Variants in PXDNL observed in about 807,000 individuals in gnomAD.
PXDNL encodes the protein probable oxidoreductase PXDNL.
A neutral mutation model predicts 150.8 loss-of-function variants in PXDNL; 145 were observed. The ratio of observed to expected loss-of-function variants is 0.96; its 90% CI spans 0.84 to 1.10. The LOEUF is 1.10. Among genes scored for constraint, PXDNL ranks in the 50% least tolerant of loss-of-function variants. The pLI is 0.00. For synonymous variants in PXDNL, 757 were observed against 725.7 expected (o/e 1.04, Z -0.69); for missense variants, 2,087 against 1,873.9 (o/e 1.11, Z -2.10).
intron 4 of PXDNL, among the ~76,000 whole-genome samples, chr8:51,515,729 T>C (rs1038213422): frequency 2.0e-5 from 3 of 152,204 alleles, no homozygotes; most frequent in African/African-American, 7.2e-5. Flanking sequence ...TTCTTACTTG[T>C]CACAAGTGGA....
rs1809859060 is a variant in PXDNL, at chr8:51,453,605, A to T, written c.1163T>A (p.Ile388Asn). The change falls in exon 10 of 23, where the codon ATC (isoleucine) becomes AAC (asparagine). Residue 388 changes from isoleucine to asparagine, a missense_variant. Coordinates refer to ENST00000356297, the MANE Select transcript of PXDNL (RefSeq NM_144651.5). ...ATSSGLYLQN[I>N]TQRDHGRFTC... Reference sequence around the variant, plus strand: ...AAATCGACCATGATCCCGTTGTGTGATGTTCTGTAAGTAAAGTCCACTGGA... The same window carrying T: ...AAATCGACCATGATCCCGTTGTGTGTTGTTCTGTAAGTAAAGTCCACTGGA... 6.2e-7 allele frequency: 1 copy of T among 1,613,902 alleles called. No homozygotes were observed. Among genetic ancestry groups the T allele is most frequent in the Non-Finnish European group, 8.5e-7 (1 of 1,179,882 alleles).
intron 13 of PXDNL, among the ~76,000 whole-genome samples, chr8:51,424,327 C>T (rs1042778045): frequency 6.6e-6 from 1 of 152,088 alleles, no homozygotes; most frequent in African/African-American, 2.4e-5. Flanking sequence ...TATGATCATG[C>T]CACTGTACTG....
At chr8:51,561,455 T>C (rs1309735122) in intron 3 of PXDNL, among the ~76,000 whole-genome samples, 1 of 151,918 alleles carries the variant, frequency 6.6e-6, no homozygotes, top group Non-Finnish European at 1.5e-5. Context: ...GAGGATCACT[T>C]GAGCCCAGAA....
rs1264297975 is a variant in PXDNL at position 51,681,304 on chromosome 8, T to C, written c.165-26544A>G. 2.0e-5 allele frequency among the ~76,000 whole-genome samples: 3 copies of C among 152,014 alleles called. No individual in the cohort carries two copies. The East Asian group carries it at 5.8e-4, about 29-fold the overall frequency. The stretch of plus-strand genomic sequence containing the variant: ...CCCATAAGAGAACTGCTCTTCATCG[T>C]TGTTTTACCTCTTATTTCCACACTC... On this transcript the variant is annotated intron_variant, in intron 1 of 22. Coordinates refer to ENST00000356297, the MANE Select transcript of PXDNL (RefSeq NM_144651.5).
rs191376284 is a variant in PXDNL at position 51,775,826 on chromosome 8, T to C, written c.164+33355A>G. Among the ~76,000 whole-genome samples, 66 of 152,344 alleles carry C rather than the reference T, an allele frequency of 4.3e-4. No homozygotes were observed. The East Asian group carries it at 0.011, about 26-fold the overall frequency. On this transcript the variant is annotated intron_variant, in intron 1 of 22. Transcript: ENST00000356297. Reference sequence around the variant, plus strand: ...TGAAAAAAGAACAGGATAACAGCGATGTTCAGGGAACAAGGGAGATAACTA... The same window carrying C: ...TGAAAAAAGAACAGGATAACAGCGACGTTCAGGGAACAAGGGAGATAACTA...
intron 2 of PXDNL, among the ~76,000 whole-genome samples, chr8:51,623,177 C>A (rs1485724924): frequency 2.6e-5 from 4 of 152,168 alleles, no homozygotes; most frequent in Non-Finnish European, 5.9e-5. Flanking sequence ...GCCCCTAAGA[C>A]AAAAAGCCTC....
chr8:51,358,541 G>A (rs893770716), intron 19 of PXDNL, among the ~76,000 whole-genome samples: 1 of 152,158 alleles, frequency 6.6e-6, no homozygotes, highest in South Asian at 2.1e-4. Context: ...AATGCTGTCA[G>A]ACAGGAAAGC....
At chr8:51,338,944 T>G (rs1214735037) in intron 21 of PXDNL, among the ~76,000 whole-genome samples, 1 of 152,084 alleles carries the variant, frequency 6.6e-6, no homozygotes, top group Non-Finnish European at 1.5e-5. Flanking sequence ...AAAGTATACA[T>G]CGTGCTGTTA....
intron 1 of PXDNL, among the ~76,000 whole-genome samples, chr8:51,744,086 G>GAAAGAAAGAAAGAAAGAAAGAAAGAAAGA (rs1585716678): frequency 9.6e-6 from 1 of 104,458 alleles, no homozygotes; most frequent in Non-Finnish European, 1.9e-5. Context: ...AGGAAGGAAG[G>GAAAGAAAGAAAGAAAGAAAGAAAGAAAGA]AAGGAAGGAA....
chr8:51,511,984 A>G (rs543224129), intron 4 of PXDNL, among the ~76,000 whole-genome samples: 9 of 152,340 alleles, frequency 5.9e-5, no homozygotes, highest in South Asian at 2.1e-4. Context: ...AAAGCAAAGG[A>G]ATGGCTGCCT....
At chr8:51,594,537 G>T (rs10096851) in intron 2 of PXDNL, among the ~76,000 whole-genome samples, 2 of 151,976 alleles carry the variant, frequency 1.3e-5, no homozygotes, top group Admixed American at 1.3e-4. Context: ...TAACAAAAAT[G>T]AAACATAAGA....
At chr8:51,782,818 C>A (rs772673720) in intron 1 of PXDNL, among the ~76,000 whole-genome samples, 5 of 152,300 alleles carry the variant, frequency 3.3e-5, no homozygotes, top group Admixed American at 6.5e-5. Flanking sequence ...CATAAAATTT[C>A]TCTTATAGGC....
chr8:51,445,352 T>A (rs1809651035), intron 12 of PXDNL, among the ~76,000 whole-genome samples: 1 of 152,232 alleles, frequency 6.6e-6, no homozygotes, highest in African/African-American at 2.4e-5. Context: ...GGCTCTCACC[T>A]GCCACCATTC....
chr8:51,662,550 A>G (rs1431605407), intron 1 of PXDNL, among the ~76,000 whole-genome samples: 6 of 152,200 alleles, frequency 3.9e-5, no homozygotes, highest in Non-Finnish European at 8.8e-5. Flanking sequence ...AAAATACAAC[A>G]ATAAAAATAC....
chr8:51,406,797 G>A (rs757458909), intron 17 of PXDNL, among the ~76,000 whole-genome samples: 1 of 152,156 alleles, frequency 6.6e-6, no homozygotes, highest in Non-Finnish European at 1.5e-5. Context: ...TCCCCCGCAC[G>A]CTGTCAGGCT....
At chr8:51,411,429 A>C in intron 15 of PXDNL, 22 bp from the exon 16 acceptor site, 4 of 1,553,336 alleles carry the variant, frequency 2.6e-6, no homozygotes, top group Non-Finnish European at 3.5e-6. Context: ...AAAACACATG[A>C]TTCTTTACAA....
intron 4 of PXDNL, among the ~76,000 whole-genome samples, chr8:51,503,462 G>A (rs1341756112): frequency 1.3e-5 from 2 of 152,134 alleles, no homozygotes; most frequent in Non-Finnish European, 2.9e-5. Context: ...ATATGTGTTT[G>A]ATTTATGTGA....
At chr8:51,783,543 A>C (rs1042710951) in intron 1 of PXDNL, among the ~76,000 whole-genome samples, 1 of 152,250 alleles carries the variant, frequency 6.6e-6, no homozygotes, top group African/African-American at 2.4e-5. Flanking sequence ...AGCCAAAAAG[A>C]TAACACAAGA....
In PXDNL at chr8:51,689,568, C is replaced by A. The variant is rs141270509; in HGVS notation, c.165-34808G>T. On this transcript the variant is annotated intron_variant, in intron 1 of 22. Transcript: ENST00000356297. ...TAATGATATATTAAGAGGCTATTAT[C>A]CGACTCTTTTTTTTTTCCCTAATAA... is the stretch of plus-strand genomic sequence containing the variant. Among the ~76,000 whole-genome samples the A allele has an allele frequency of 7.3e-3, 1,106 of 151,914 alleles. 18 individuals are homozygous for A. Among genetic ancestry groups the A allele is most frequent in the Non-Finnish European group, 6.8e-3 (465 of 67,998 alleles).
Sources: allele counts gnomAD v4.1 joint callset (sites outside exome capture counted in the v4.1 genomes callset), GRCh38; gene constraint gnomAD v4.1.1; transcripts MANE v1.5; gene names NCBI Gene and HGNC (gene_info 2026-07-23, HGNC 2026-07-21).